The following NAALADL2 variants were observed in gnomAD, a reference collection of about 807,000 sequenced individuals.
NAALADL2 encodes the protein N-acetylated alpha-linked acidic dipeptidase like 2.
A neutral mutation model predicts 87.2 loss-of-function variants in NAALADL2; 76 were observed. The observed-to-expected ratio is 0.87, with a 90% confidence interval of 0.72 to 1.05. NAALADL2 has a LOEUF of 1.05. Among genes scored for constraint, NAALADL2 ranks in the 50% least tolerant of loss-of-function variants. NAALADL2 has a pLI of 0.00. For synonymous variants in NAALADL2, 354 were observed against 331.0 expected, an observed-to-expected ratio of 1.07 and a Z score of -0.75; for missense variants, 1,089 against 945.8, an observed-to-expected ratio of 1.15 and a Z score of -1.99.
intron 9 of NAALADL2, among the ~76,000 whole-genome samples, chr3:175,498,205 G>A (rs905287022): frequency 2.0e-5 from 3 of 152,074 alleles, no homozygotes; most frequent in African/African-American, 7.2e-5. Flanking sequence ...ATAGAAAATA[G>A]CCTCAAAAGG....
At chr3:174,937,045 A>C (rs1737794980) in intron 1 of NAALADL2, among the ~76,000 whole-genome samples, 1 of 152,132 alleles carries the variant, frequency 6.6e-6, no homozygotes, top group Non-Finnish European at 1.5e-5. Context: ...GATAAGATTC[A>C]GATTTTTAAA....
At chr3:174,986,051 G>C (rs1242095314) in intron 1 of NAALADL2, among the ~76,000 whole-genome samples, 1 of 151,918 alleles carries the variant, frequency 6.6e-6, no homozygotes, top group South Asian at 2.1e-4. Flanking sequence ...GTTTGTCATT[G>C]TCTACATGAG....
chr3:175,635,790 C>A (rs188790099), intron 11 of NAALADL2, among the ~76,000 whole-genome samples: 6 of 152,214 alleles, frequency 3.9e-5, no homozygotes, highest in Admixed American at 3.9e-4. Context: ...ATACCATTCT[C>A]AAGGTGCTGT....
intron 1 of NAALADL2, among the ~76,000 whole-genome samples, chr3:174,979,919 A>G (rs2108646998): frequency 6.6e-6 from 1 of 152,246 alleles, no homozygotes; most frequent in South Asian, 2.1e-4. Context: ...ACTCCCCATT[A>G]CCACCATGAT....
intron 11 of NAALADL2, among the ~76,000 whole-genome samples, chr3:175,630,583 TAATC>T (rs1207490564): frequency 2.6e-5 from 4 of 151,746 alleles, no homozygotes; most frequent in African/African-American, 4.8e-5. Flanking sequence ...TATAAAAACA[TAATC>T]AAACTCATTT....
At chr3:175,793,056 G>T (rs187271756) in intron 13 of NAALADL2, among the ~76,000 whole-genome samples, 46 of 152,246 alleles carry the variant, frequency 3.0e-4, no homozygotes, top group Admixed American at 1.2e-3. Context: ...GAAATAATCT[G>T]GTGAAAGAAT....
At chr3:175,122,215 C>A (rs1340705343) in intron 2 of NAALADL2, among the ~76,000 whole-genome samples, 1 of 151,756 alleles carries the variant, frequency 6.6e-6, no homozygotes, top group Non-Finnish European at 1.5e-5. Flanking sequence ...AAATAGAGGG[C>A]CATTCTGCAT....
Position 174,539,979 on chromosome 3 carries a change from A to G in NAALADL2, c.-183-10590A>G, listed in dbSNP as rs1048429408. On this transcript the variant is annotated intron_variant, in intron 1 of 3. Transcript: ENST00000434257. The stretch of plus-strand genomic sequence containing the variant: ...CAAGAGAGAATTAGGAAGTTCTGGA[A>G]AAAAAAAAAAAAAAAAAAAAAAAAA... 1.1e-3 allele frequency among the ~76,000 whole-genome samples: 45 copies of G among 39,448 alleles called. No homozygotes were observed. In the East Asian group the frequency reaches 0.027, roughly 24 times the overall value. 25.9% of individuals were successfully genotyped at this position (39,448 alleles called of 152,430 possible). A position where few individuals can be genotyped will look rare whatever the true frequency, so the allele number is the denominator to read the frequency against.
intron 10 of NAALADL2, among the ~76,000 whole-genome samples, chr3:175,584,358 A>G (rs1582503093): frequency 6.6e-6 from 1 of 151,806 alleles, no homozygotes; most frequent in East Asian, 1.9e-4. Context: ...CTTTTATTAT[A>G]GATGAGGAAA....
intron 3 of NAALADL2, among the ~76,000 whole-genome samples, chr3:174,783,627 A>G (rs181040085): frequency 6.6e-6 from 1 of 151,954 alleles, no homozygotes; most frequent in Admixed American, 6.6e-5. Flanking sequence ...ATATATATAT[A>G]TTTTTATTTT....
chr3:175,035,288 A>G (rs982453390), intron 1 of NAALADL2, among the ~76,000 whole-genome samples: 19 of 152,204 alleles, frequency 1.2e-4, no homozygotes, highest in Admixed American at 3.3e-4. Context: ...AGTAGCTTCC[A>G]ATGAGGATAA....
intron 9 of NAALADL2, among the ~76,000 whole-genome samples, chr3:175,503,388 A>G (rs1008136103): frequency 2.0e-5 from 3 of 152,192 alleles, no homozygotes; most frequent in Admixed American, 6.6e-5. Context: ...TGAAATGAAC[A>G]TACATATGCA....
At chr3:174,568,599 A>G (rs892375539) in intron 2 of NAALADL2, among the ~76,000 whole-genome samples, 1 of 151,882 alleles carries the variant, frequency 6.6e-6, no homozygotes, top group Non-Finnish European at 1.5e-5. Context: ...TGCTTTAACT[A>G]TTCAGTGAAT....
At chr3:175,057,884 C>T (rs1712557133) in intron 1 of NAALADL2, among the ~76,000 whole-genome samples, 1 of 152,176 alleles carries the variant, frequency 6.6e-6, no homozygotes, top group South Asian at 2.1e-4. Context: ...CCTCTAACCC[C>T]TAGGCCATCA....
intron 9 of NAALADL2, among the ~76,000 whole-genome samples, chr3:175,557,919 G>A (rs991907189): frequency 1.3e-5 from 2 of 152,094 alleles, no homozygotes; most frequent in African/African-American, 4.8e-5. Context: ...TCAGGGCCGG[G>A]CGCGGTGGCT....
At chr3:174,466,245 T>A (rs1049140463) in intron 1 of NAALADL2, among the ~76,000 whole-genome samples, 1 of 152,128 alleles carries the variant, frequency 6.6e-6, no homozygotes, top group African/African-American at 2.4e-5. Context: ...CCAAGACAAA[T>A]TCATAAAGTT....
chr3:174,768,248 A>G (rs1236195380), intron 3 of NAALADL2, among the ~76,000 whole-genome samples: 1 of 152,168 alleles, frequency 6.6e-6, no homozygotes, highest in Non-Finnish European at 1.5e-5. Flanking sequence ...CAGTGAGTAA[A>G]TCATATCATG....
chr3:174,757,623 C>T (rs546668869), intron 3 of NAALADL2, among the ~76,000 whole-genome samples: 43 of 152,042 alleles, frequency 2.8e-4, no homozygotes, highest in African/African-American at 9.4e-4. Context: ...TACCAAGCAG[C>T]GGGGACTACA....
chr3:174,482,869 G>T (rs921533251), intron 1 of NAALADL2, among the ~76,000 whole-genome samples: 3 of 152,042 alleles, frequency 2.0e-5, no homozygotes, highest in African/African-American at 7.2e-5. Context: ...AATGGCTGTA[G>T]CATTATAAGA....
Sources: gnomAD v4.1 joint callset for allele counts (sites outside exome capture counted in the v4.1 genomes callset) on GRCh38, gnomAD v4.1.1 for gene constraint, MANE v1.5 for transcripts, NCBI Gene and HGNC (gene_info 2026-07-23, HGNC 2026-07-21) for gene names.